Variants in PPFIA2 observed in about 807,000 individuals in gnomAD.
The protein encoded by PPFIA2 is PPFI scaffold protein A2.
In PPFIA2, 46 loss-of-function variants were observed where a neutral mutation model predicts 175.5. That is an observed-to-expected ratio of 0.26 (90% CI 0.21 to 0.34). The LOEUF is 0.34. Ranked by LOEUF, PPFIA2 falls within the 10% of genes least tolerant of loss-of-function variation. PPFIA2 has a pLI of 1.00. For missense variants in PPFIA2, 1,179 were observed against 1,506.1 expected (o/e 0.78, Z 3.60); for synonymous variants, 568 against 511.4 (o/e 1.11, Z -1.49).
chr12:81,664,623 C>G lies in PPFIA2; in HGVS notation c.303+12168G>C, dbSNP rs1158333858. ...ACTAGTTCAACCATTGTGGAAGTCA[C>G]TGTGGCGATTCCTCAGGGATCTAGA... On this transcript the variant is annotated intron_variant, in intron 4 of 32. Transcript: ENST00000549396. Among the ~76,000 whole-genome samples, 36 of 152,118 alleles carry G rather than the reference C, an allele frequency of 2.4e-4. 1 individual carries two copies. Among genetic ancestry groups the G allele is most frequent in the African/African-American group, 7.0e-4 (29 of 41,454 alleles).
intron 4 of PPFIA2, among the ~76,000 whole-genome samples, chr12:81,585,025 AT>A (rs1240811836): frequency 8.8e-4 from 80 of 91,366 alleles, no homozygotes; most frequent in Non-Finnish European, 1.6e-3. Flanking sequence ...TATATAATAT[AT>A]TAATTATATT....
intron 4 of PPFIA2, among the ~76,000 whole-genome samples, chr12:81,663,641 T>C (rs1483979654): frequency 2.0e-5 from 3 of 152,152 alleles, no homozygotes; most frequent in South Asian, 2.1e-4. Flanking sequence ...TCAATGCCAT[T>C]CCCATCAAGC....
chr12:81,344,943 G>A (rs1437105808), intron 18 of PPFIA2, among the ~76,000 whole-genome samples: 1 of 152,110 alleles, frequency 6.6e-6, no homozygotes, highest in African/African-American at 2.4e-5. Flanking sequence ...TACAGGCACT[G>A]GATACGAGGC....
chr12:81,363,539 T>C (rs895495228), intron 14 of PPFIA2, among the ~76,000 whole-genome samples: 1 of 151,716 alleles, frequency 6.6e-6, no homozygotes. Flanking sequence ...TATATTGTTT[T>C]ACAGGTCTAA....
chr12:81,281,484 C>A, intron 26 of PPFIA2, 34 bp from the exon 27 acceptor site: 2 of 1,439,750 alleles, frequency 1.4e-6, no homozygotes, highest in Non-Finnish European at 9.6e-7. Context: ...AGTTTCTTAA[C>A]CAATCAGATA....
intron 4 of PPFIA2, among the ~76,000 whole-genome samples, chr12:81,536,729 A>AAT (rs2065444961): frequency 8.2e-6 from 1 of 121,420 alleles, no homozygotes; most frequent in Admixed American, 9.0e-5. Context: ...TATATACACA[A>AAT]ATATATATAC....
rs1447452830 is a variant in PPFIA2, at chr12:81,258,295, G to A, written c.*1399C>T. On this transcript the variant is annotated 3_prime_UTR_variant, in exon 33 of 33. Coordinates refer to ENST00000549396, the MANE Select transcript of PPFIA2 (RefSeq NM_003625.5). Reference sequence around the variant, plus strand: ...ATTATTATTTTTTTTATTGACAATGGAAAGGGTTTCTGTTATCATTACCTT... The same window carrying A: ...ATTATTATTTTTTTTATTGACAATGAAAAGGGTTTCTGTTATCATTACCTT... 1 of 152,028 alleles carries A rather than the reference G, an allele frequency of 6.6e-6. No individual in the cohort carries two copies. The highest frequency in any genetic ancestry group is 1.5e-5 in the Non-Finnish European group (1 of 67,984). 9.4% of individuals were successfully genotyped at this position (152,028 alleles called of 1,614,324 possible). A position where few individuals can be genotyped will look rare whatever the true frequency, so the allele number is the denominator to read the frequency against.
At chr12:81,691,185 T>A (rs1596432883) in intron 3 of PPFIA2, among the ~76,000 whole-genome samples, 1 of 152,248 alleles carries the variant, frequency 6.6e-6, no homozygotes, top group Non-Finnish European at 1.5e-5. Flanking sequence ...TACCTTGGAT[T>A]CAAACCAAAT....
intron 5 of PPFIA2, among the ~76,000 whole-genome samples, chr12:81,451,149 G>T (rs539801531): frequency 6.6e-6 from 1 of 151,574 alleles, no homozygotes; most frequent in Admixed American, 6.6e-5. Flanking sequence ...ATACACACAC[G>T]CATGCATGTT....
chr12:81,443,361 T>C (rs2050585799), intron 6 of PPFIA2, among the ~76,000 whole-genome samples: 1 of 152,144 alleles, frequency 6.6e-6, no homozygotes, highest in Non-Finnish European at 1.5e-5. Flanking sequence ...TACTTGTTGA[T>C]AATCAGTCCA....
intron 24 of PPFIA2, among the ~76,000 whole-genome samples, chr12:81,286,524 G>T (rs1252831487): frequency 6.6e-6 from 1 of 151,950 alleles, no homozygotes; most frequent in African/African-American, 2.4e-5. Flanking sequence ...TGCTGTGCAG[G>T]TTTGTACCCT....
At chr12:81,422,388 T>G (rs997189167) in intron 7 of PPFIA2, among the ~76,000 whole-genome samples, 1 of 152,028 alleles carries the variant, frequency 6.6e-6, no homozygotes, top group African/African-American at 2.4e-5. Flanking sequence ...TACTTTTAAC[T>G]GTTTACAGTG....
chr12:81,723,437 C>A (rs10778828), intron 3 of PPFIA2, among the ~76,000 whole-genome samples: 27,507 of 150,848 alleles, frequency 0.18, 2,832 homozygotes, highest in Middle Eastern at 0.3. Flanking sequence ...AATGAACTTT[C>A]TTAAGATTCA....
At chr12:81,410,469 A>G (rs1015758757) in intron 7 of PPFIA2, among the ~76,000 whole-genome samples, 4 of 152,104 alleles carry the variant, frequency 2.6e-5, no homozygotes, top group Non-Finnish European at 5.9e-5. Flanking sequence ...GGACAGATTC[A>G]TATGGAGGCA....
chr12:81,755,119 A>C (rs1372221110), intron 2 of PPFIA2, among the ~76,000 whole-genome samples: 1 of 152,190 alleles, frequency 6.6e-6, no homozygotes, highest in African/African-American at 2.4e-5. Flanking sequence ...TAATGTAGTA[A>C]CTTCACATCT....
chr12:81,422,909 T>A (rs1566763182), intron 7 of PPFIA2, among the ~76,000 whole-genome samples: 1 of 151,932 alleles, frequency 6.6e-6, no homozygotes, highest in Non-Finnish European at 1.5e-5. Context: ...CCAAAATTAA[T>A]AAATTTAATA....
Position 81,642,743 on chromosome 12 carries a change from ATGTAT to A in PPFIA2, c.303+34043_303+34047del, listed in dbSNP as rs1168510364. Among the ~76,000 whole-genome samples, 254 of 74,988 alleles carry A rather than the reference ATGTAT, an allele frequency of 3.4e-3. 111 individuals carry two copies. The highest frequency in any genetic ancestry group is 0.013 in the East Asian group (28 of 2,154). The allele number at this position is 74,988 out of a possible 152,430, so 49.2% of individuals were successfully genotyped here. A position where few individuals can be genotyped will look rare whatever the true frequency, so the allele number is the denominator to read the frequency against. On this transcript the variant is annotated intron_variant, in intron 4 of 32. Transcript: ENST00000549396. ...TATATACATACATGTATATGTATGT[ATGTAT>A]TATATACATACATGTATATGTATGT...
intron 22 of PPFIA2, among the ~76,000 whole-genome samples, chr12:81,310,440 G>A (rs932371940): frequency 6.6e-6 from 1 of 152,072 alleles, no homozygotes; most frequent in African/African-American, 2.4e-5. Context: ...AAACCGAATT[G>A]TAGAATGAAG....
intron 4 of PPFIA2, among the ~76,000 whole-genome samples, chr12:81,602,671 T>C (rs561958491): frequency 6.6e-6 from 1 of 151,954 alleles, no homozygotes; most frequent in South Asian, 2.1e-4. Context: ...AATCTATAAT[T>C]TGAGTGGTTT....
Sources: allele counts gnomAD v4.1 joint callset (sites outside exome capture counted in the v4.1 genomes callset), GRCh38; gene constraint gnomAD v4.1.1; transcripts MANE v1.5; gene names NCBI Gene and HGNC (gene_info 2026-07-23, HGNC 2026-07-21).